Variants in RASSF3 observed in about 807,000 individuals in gnomAD.
RASSF3 encodes the protein Ras association domain family member 3.
A neutral mutation model predicts 19.9 loss-of-function variants in RASSF3; 19 were observed. The observed-to-expected ratio is 0.96, with a 90% CI of 0.67 to 1.40. The LOEUF (loss-of-function observed/expected upper bound fraction) is 1.40. Ranked by LOEUF, RASSF3 falls within the 40% of genes most tolerant of loss-of-function variation. The pLI is 0.00. For missense variants in RASSF3, 306 were observed against 289.8 expected, an observed-to-expected ratio of 1.06 and a Z score of -0.41; for synonymous variants, 110 against 104.2, an observed-to-expected ratio of 1.06 and a Z score of -0.34.
chr12:64,643,099 G>A (rs548724129), intron 1 of RASSF3, among the ~76,000 whole-genome samples: 33 of 151,676 alleles, frequency 2.2e-4, no homozygotes, highest in Middle Eastern at 6.8e-3. Context: ...AGGTGATTCC[G>A]CCCCTCCCCA....
At chr12:64,616,446 T>A (rs1360622356) in intron 1 of RASSF3, among the ~76,000 whole-genome samples, 1 of 152,178 alleles carries the variant, frequency 6.6e-6, no homozygotes. Flanking sequence ...TGTGGCCTGA[T>A]CACCAACTCT....
intron 1 of RASSF3, among the ~76,000 whole-genome samples, chr12:64,619,206 G>A (rs181875042): frequency 6.6e-6 from 1 of 152,118 alleles, no homozygotes; most frequent in East Asian, 1.9e-4. Flanking sequence ...TGGTGTGTTG[G>A]GAAGATTTTT....
intron 1 of RASSF3, among the ~76,000 whole-genome samples, chr12:64,672,206 GTTATT>G (rs1379416817): frequency 1.3e-5 from 2 of 151,874 alleles, no homozygotes; most frequent in African/African-American, 4.8e-5. Context: ...TATTCTTTTA[GTTATT>G]TTATTTTGTT....
At chr12:64,690,839 C>CT (rs139820152) in intron 3 of RASSF3, among the ~76,000 whole-genome samples, 2,010 of 141,410 alleles carry the variant, frequency 0.014, 39 homozygotes, top group African/African-American at 0.045. Flanking sequence ...CTTATCTTGC[C>CT]TTTTTTTTTT....
chr12:64,685,716 C>T (rs1873323987), intron 2 of RASSF3, among the ~76,000 whole-genome samples: 1 of 152,206 alleles, frequency 6.6e-6, no homozygotes. Context: ...AGCATTGTGC[C>T]ACACTGAAGC....
intron 1 of RASSF3, among the ~76,000 whole-genome samples, chr12:64,534,050 G>C (rs1868771344): frequency 6.6e-6 from 1 of 152,204 alleles, no homozygotes; most frequent in South Asian, 2.1e-4. Context: ...CTTGAGCCCA[G>C]GAGTTTGAGA....
intron 2 of RASSF3, among the ~76,000 whole-genome samples, chr12:64,553,853 T>C (rs534189679): frequency 6.6e-6 from 1 of 152,136 alleles, no homozygotes; most frequent in East Asian, 1.9e-4. Flanking sequence ...GGCATGTACT[T>C]GTAATCTTAG....
At chr12:64,630,218 A>T (rs1266010267) in intron 1 of RASSF3, among the ~76,000 whole-genome samples, 1 of 151,956 alleles carries the variant, frequency 6.6e-6, no homozygotes, top group Non-Finnish European at 1.5e-5. Flanking sequence ...TTGTCATCCA[A>T]AAAAGAGATA....
chr12:64,667,715 C>G (rs1872573068), intron 1 of RASSF3, among the ~76,000 whole-genome samples: 1 of 152,184 alleles, frequency 6.6e-6, no homozygotes, highest in Non-Finnish European at 1.5e-5. Flanking sequence ...CCAAAATTTA[C>G]CTTTATGCTG....
At chr12:64,657,027 T>TC (rs1555214712) in intron 1 of RASSF3, among the ~76,000 whole-genome samples, 2 of 150,690 alleles carry the variant, frequency 1.3e-5, no homozygotes, top group South Asian at 2.1e-4. Context: ...TTTTTTTTTT[T>TC]CAGACAGAGT....
Position 64,641,419 on chromosome 12 carries a change from C to CACACACACACACACACACACACAT in RASSF3, c.111+30676_111+30677insACACACACACACACACACACACAT, listed in dbSNP as rs769330728. 6.6e-5 allele frequency among the ~76,000 whole-genome samples: 10 copies of CACACACACACACACACACACACAT among 150,776 alleles called. No homozygotes were observed. In the South Asian group the frequency reaches 1.0e-3, roughly 16 times the overall value. On this transcript the variant is annotated intron_variant, in intron 1 of 4. Coordinates refer to ENST00000542104, the MANE Select transcript of RASSF3 (RefSeq NM_178169.4). ...TCACAGGCGCACACACACACACGCG[C>CACACACACACACACACACACACAT]GCGCGCGCGTTGAAAACAAATGAGA... is the stretch of plus-strand genomic sequence containing the variant.
intron 1 of RASSF3, chr12:64,622,598 T>C: frequency 2.2e-6 from 1 of 463,856 alleles, no homozygotes; most frequent in East Asian, 6.9e-5. Flanking sequence ...TGCACCAACT[T>C]AATACTTTCA....
chr12:64,556,872 C>T (rs1318681595), intron 2 of RASSF3, among the ~76,000 whole-genome samples: 5 of 143,048 alleles, frequency 3.5e-5, no homozygotes, highest in Non-Finnish European at 7.6e-5. Flanking sequence ...AGTCTTGCTC[C>T]GTCGCCCAGG....
chr12:64,648,379 A>G (rs1053130610), intron 1 of RASSF3, among the ~76,000 whole-genome samples: 5 of 152,106 alleles, frequency 3.3e-5, no homozygotes, highest in African/African-American at 4.8e-5. Context: ...GCTGGGAGGT[A>G]TATCTGGGCT....
chr12:64,579,407 C>T (rs1485574933), intron 2 of RASSF3, among the ~76,000 whole-genome samples: 2 of 143,162 alleles, frequency 1.4e-5, no homozygotes, highest in African/African-American at 2.7e-5. Context: ...GCTGGAGTGC[C>T]GTGGCGCGAT....
At chr12:64,680,766 G>A (rs767977245) in intron 1 of RASSF3, among the ~76,000 whole-genome samples, 5 of 151,816 alleles carry the variant, frequency 3.3e-5, no homozygotes, top group African/African-American at 1.2e-4. Context: ...GGTGCTTGCC[G>A]CCATGCCCAG....
chr12:64,681,703 A>C (rs759039118), intron 1 of RASSF3, among the ~76,000 whole-genome samples: 1 of 152,210 alleles, frequency 6.6e-6, no homozygotes, highest in Non-Finnish European at 1.5e-5. Context: ...ACAATCAGAG[A>C]TATGATACAT....
chr12:64,690,791 A>G (rs1218056978), intron 3 of RASSF3, among the ~76,000 whole-genome samples: 1 of 141,884 alleles, frequency 7.0e-6, no homozygotes, highest in Non-Finnish European at 1.5e-5. Flanking sequence ...GCCTATTTTT[A>G]TTGTTTTTAA....
chr12:64,691,740 A>AGGGGGATGGGAAGAGAAGAGAGATG (rs1234620769), intron 4 of RASSF3, among the ~76,000 whole-genome samples, 161 bp downstream of exon 4: 1 of 151,878 alleles, frequency 6.6e-6, no homozygotes. Context: ...GGAGAGGGAG[A>AGGGGGATGGGAAGAGAAGAGAGATG]GGGATTTTGA....
Sources: allele counts gnomAD v4.1 joint callset (sites outside exome capture counted in the v4.1 genomes callset), GRCh38; gene constraint gnomAD v4.1.1; transcripts MANE v1.5; gene names NCBI Gene and HGNC (gene_info 2026-07-23, HGNC 2026-07-21).